The following STRN3 variants were observed in gnomAD, a reference collection of about 807,000 sequenced individuals.
The protein encoded by STRN3 is striatin-3.
A neutral mutation model predicts 95.6 loss-of-function variants in STRN3; 29 were observed. The observed-to-expected ratio is 0.30, with a 90% CI of 0.23 to 0.41. The LOEUF is 0.41. Ranked by LOEUF, STRN3 falls within the 10% of genes least tolerant of loss-of-function variation. The pLI, the probability that STRN3 is intolerant of heterozygous loss-of-function variation, is 1.00. For synonymous variants in STRN3, 331 were observed against 357.6 expected (o/e 0.93, Z 0.84); for missense variants, 890 against 972.1 (o/e 0.92, Z 1.12).
intron 16 of STRN3, among the ~76,000 whole-genome samples, chr14:30,897,006 G>T (rs1896173225): frequency 6.6e-6 from 1 of 152,142 alleles, no homozygotes; most frequent in Non-Finnish European, 1.5e-5. Flanking sequence ...CACTAGGCAG[G>T]CAATAAAATA....
intron 14 of STRN3, among the ~76,000 whole-genome samples, chr14:30,906,630 C>T (rs1396701127): frequency 1.3e-5 from 2 of 151,870 alleles, no homozygotes; most frequent in East Asian, 1.9e-4. Context: ...TTGTCTATTC[C>T]ACTGTTATAT....
chr14:31,003,024 GA>G (rs1319082304), intron 1 of STRN3, among the ~76,000 whole-genome samples: 1 of 152,124 alleles, frequency 6.6e-6, no homozygotes, highest in Non-Finnish European at 1.5e-5. Flanking sequence ...AGCACTTTGG[GA>G]GGCCGAGGTG....
intron 4 of STRN3, among the ~76,000 whole-genome samples, chr14:30,950,029 T>C (rs978561362): frequency 6.6e-6 from 1 of 151,850 alleles, no homozygotes; most frequent in Non-Finnish European, 1.5e-5. Context: ...GAGGAAGTGG[T>C]AAACAGTGGG....
chr14:31,013,273 T>A (rs1279286798), intron 1 of STRN3, among the ~76,000 whole-genome samples: 4 of 151,632 alleles, frequency 2.6e-5, no homozygotes, highest in African/African-American at 9.7e-5. Context: ...CTTGCGAGGC[T>A]GAGGTGGGAG....
At chr14:30,990,669 C>T (rs1198445319) in intron 1 of STRN3, among the ~76,000 whole-genome samples, 2 of 152,094 alleles carry the variant, frequency 1.3e-5, no homozygotes, top group Non-Finnish European at 2.9e-5. Context: ...TGTGAGGGAG[C>T]GGTTTCAGGA....
intron 8 of STRN3, among the ~76,000 whole-genome samples, chr14:30,926,070 G>A (rs745691999): frequency 7.2e-4 from 109 of 151,982 alleles, no homozygotes; most frequent in African/African-American, 2.0e-3. Flanking sequence ...CTAATTTCAC[G>A]GCAAGGATTC....
chr14:30,895,124 C>A lies in STRN3; in HGVS notation c.*287G>T. 1.4e-5 allele frequency: 3 copies of A among 218,558 alleles called. No homozygotes were observed. Among genetic ancestry groups the A allele is most frequent in the East Asian group, 1.1e-4 (1 of 9,010 alleles). The allele number at this position is 218,558 out of a possible 1,614,324, so 13.5% of individuals were successfully genotyped here. ...AAAAAAACTTTTTTGAAAGATCAGA[C>A]TCCACATTGGCTTAAAGACACCTAA... On this transcript the variant is annotated 3_prime_UTR_variant, in exon 18 of 18. Transcript: ENST00000357479.
intron 1 of STRN3, among the ~76,000 whole-genome samples, chr14:30,976,428 G>A (rs545827150): frequency 1.3e-5 from 2 of 152,152 alleles, no homozygotes; most frequent in African/African-American, 4.8e-5. Flanking sequence ...TATTATAGCT[G>A]GAAACTACAA....
At chr14:30,918,512 GAAAAAAAAAGA>G (rs1003501587) in intron 9 of STRN3, among the ~76,000 whole-genome samples, 1 of 79,550 alleles carries the variant, frequency 1.3e-5, no homozygotes, top group Non-Finnish European at 3.1e-5. Context: ...CTGTCTCAAG[GAAAAAAAAAGA>G]AAAAAAAAAA....
intron 5 of STRN3, among the ~76,000 whole-genome samples, chr14:30,944,988 ATACAT>A (rs1487164845): frequency 6.6e-6 from 1 of 152,158 alleles, no homozygotes; most frequent in African/African-American, 2.4e-5. Flanking sequence ...TATAAACTAT[ATACAT>A]TATTTATTTA....
chr14:31,026,191 G>GT lies in STRN3; in HGVS notation c.-7dup. The GT allele has an allele frequency of 1.4e-6, 2 of 1,430,018 alleles. No individual in the cohort carries two copies. Among genetic ancestry groups the GT allele is most frequent in the Non-Finnish European group, 1.8e-6 (2 of 1,101,954 alleles). 88.6% of individuals were successfully genotyped at this position (1,430,018 alleles called of 1,614,324 possible). ...CCTCCGGCAAGCTCGTCCATTGTGTGTGGGGCCCCGGCCGGGGCGCAGGGC... is the reference window on the plus strand; with the variant it reads ...CCTCCGGCAAGCTCGTCCATTGTGTGTTGGGGCCCCGGCCGGGGCGCAGGGC... On this transcript the variant is annotated 5_prime_UTR_variant, in exon 1 of 18. Coordinates refer to ENST00000357479, the MANE Select transcript of STRN3 (RefSeq NM_001083893.2).
At chr14:31,009,086 A>C (rs1054095823) in intron 1 of STRN3, among the ~76,000 whole-genome samples, 8 of 152,266 alleles carry the variant, frequency 5.3e-5, no homozygotes, top group African/African-American at 1.4e-4. Flanking sequence ...TAAACACACA[A>C]AAAAATGTAG....
intron 1 of STRN3, among the ~76,000 whole-genome samples, chr14:31,018,094 A>G (rs950054020): frequency 1.3e-5 from 2 of 151,422 alleles, no homozygotes; most frequent in African/African-American, 4.9e-5. Flanking sequence ...AAAAAAAAAA[A>G]AAAAGGAAAT....
chr14:30,894,906 T>C lies in STRN3; in HGVS notation c.*505A>G. On this transcript the variant is annotated 3_prime_UTR_variant, in exon 18 of 18. Coordinates refer to ENST00000357479, the MANE Select transcript of STRN3 (RefSeq NM_001083893.2). ...AATTTTCTTTTTCTTTTTTTTTTTT[T>C]TTAAAGCAAAATAAGTTTAAAAGGG... 9.2e-7 allele frequency: 1 copy of C among 1,081,518 alleles called. No individual in the cohort carries two copies. Among genetic ancestry groups the C allele is most frequent in the Non-Finnish European group, 1.2e-6 (1 of 840,816 alleles). 67.0% of individuals were successfully genotyped at this position (1,081,518 alleles called of 1,614,324 possible).
intron 1 of STRN3, among the ~76,000 whole-genome samples, chr14:30,991,324 A>G (rs1445943228): frequency 2.0e-5 from 3 of 152,192 alleles, no homozygotes; most frequent in Admixed American, 6.5e-5. Flanking sequence ...TTGAAATAAT[A>G]TGAGTACTAG....
At chr14:30,912,309 G>A in intron 10 of STRN3, 127 bp from the exon 11 acceptor site, 2 of 774,276 alleles carry the variant, frequency 2.6e-6, no homozygotes, top group Non-Finnish European at 3.8e-6. Context: ...ATGTCCAGTG[G>A]AAATTTAATG....
At chr14:30,915,698 A>C (rs1259882443) in intron 9 of STRN3, among the ~76,000 whole-genome samples, 1 of 152,178 alleles carries the variant, frequency 6.6e-6, no homozygotes, top group Non-Finnish European at 1.5e-5. Flanking sequence ...AAGCTCAGGG[A>C]ATTTGTTTCT....
chr14:30,925,346 T>C (rs532787917), intron 8 of STRN3, among the ~76,000 whole-genome samples: 1 of 152,116 alleles, frequency 6.6e-6, no homozygotes, highest in South Asian at 2.1e-4. Context: ...CTTGAATGGG[T>C]CTTTACAAAG....
chr14:30,902,881 T>C (rs1021019607), intron 15 of STRN3, among the ~76,000 whole-genome samples: 4 of 152,144 alleles, frequency 2.6e-5, no homozygotes, highest in Admixed American at 6.5e-5. Context: ...CTGAGAAGTG[T>C]TTTAATGCCA....
Sources: gnomAD v4.1 joint callset for allele counts (sites outside exome capture counted in the v4.1 genomes callset) on GRCh38, gnomAD v4.1.1 for gene constraint, MANE v1.5 for transcripts, NCBI Gene and HGNC (gene_info 2026-07-23, HGNC 2026-07-21) for gene names.